YEATS2: variants seen among roughly 807,000 people sequenced by gnomAD.
The protein encoded by YEATS2 is YEATS domain-containing protein 2.
In YEATS2, 77 loss-of-function variants were observed where a neutral mutation model predicts 163.2. The ratio of observed to expected loss-of-function variants is 0.47; its 90% CI spans 0.39 to 0.57. YEATS2 has a LOEUF of 0.57. YEATS2 is among the 20% of genes least tolerant of loss of function. The pLI is 0.00. For synonymous variants in YEATS2, 631 were observed against 645.1 expected, an observed-to-expected ratio of 0.98 and a Z score of 0.33; for missense variants, 1,549 against 1,729.8, an observed-to-expected ratio of 0.90 and a Z score of 1.85.
intron 21 of YEATS2, among the ~76,000 whole-genome samples, chr3:183,792,258 A>G (rs575299335): frequency 1.3e-5 from 2 of 152,208 alleles, no homozygotes; most frequent in South Asian, 2.1e-4. Context: ...TAAGCCCCAC[A>G]TGCATTAGGT....
At chr3:183,783,318 A>C (rs1426326497) in intron 19 of YEATS2, among the ~76,000 whole-genome samples, 1 of 152,232 alleles carries the variant, frequency 6.6e-6, no homozygotes, top group African/African-American at 2.4e-5. Flanking sequence ...GAGTGCATTA[A>C]TTTGGGACAC....
intron 13 of YEATS2, among the ~76,000 whole-genome samples, chr3:183,759,929 C>T (rs1302773517): frequency 1.3e-5 from 2 of 152,226 alleles, no homozygotes; most frequent in African/African-American, 2.4e-5. Flanking sequence ...ATAATGCTTA[C>T]CTCCACAGAG....
intron 15 of YEATS2, among the ~76,000 whole-genome samples, chr3:183,763,896 C>G (rs1330213689): frequency 4.6e-5 from 7 of 152,066 alleles, no homozygotes; most frequent in Non-Finnish European, 1.0e-4. Flanking sequence ...GGTGAAACCC[C>G]ATCTCTACTA....
At chr3:183,759,015 AT>A (rs1279825848) in intron 13 of YEATS2, 50 bp downstream of exon 13, 24 of 1,281,464 alleles carry the variant, frequency 1.9e-5, no homozygotes, top group Non-Finnish European at 2.4e-5. Flanking sequence ...TTTTCTTTTC[AT>A]TTTTAAAAAA....
chr3:183,704,611 A>C (rs550203496), intron 1 of YEATS2, among the ~76,000 whole-genome samples: 13 of 152,046 alleles, frequency 8.6e-5, no homozygotes, highest in African/African-American at 3.1e-4. Flanking sequence ...TTCATATCTT[A>C]CTGTATGATT....
At chr3:183,772,648 C>T in intron 16 of YEATS2, 85 bp downstream of exon 16, 1 of 1,546,436 alleles carries the variant, frequency 6.5e-7, no homozygotes, top group East Asian at 2.3e-5. Flanking sequence ...GCTATTTGAT[C>T]TGGTCTAGGA....
intron 12 of YEATS2, among the ~76,000 whole-genome samples, chr3:183,758,625 T>C (rs1015603947): frequency 3.3e-5 from 5 of 152,186 alleles, no homozygotes; most frequent in Admixed American, 6.5e-5. Flanking sequence ...TTACTACTTA[T>C]TCTTCTGCAT....
At chr3:183,713,417 G>T (rs1715475572) in intron 1 of YEATS2, among the ~76,000 whole-genome samples, 1 of 152,114 alleles carries the variant, frequency 6.6e-6, no homozygotes, top group African/African-American at 2.4e-5. Context: ...ACAGAAATGA[G>T]CTGGGTGTGG....
chr3:183,742,683 AACTT>A (rs143224510), intron 8 of YEATS2, among the ~76,000 whole-genome samples: 5,288 of 152,316 alleles, frequency 0.035, 150 homozygotes, highest in Middle Eastern at 0.075. Flanking sequence ...ATATTACATA[AACTT>A]ACTTAATAAA....
At chr3:183,708,062 A>T (rs7612556) in intron 1 of YEATS2, among the ~76,000 whole-genome samples, 2 of 151,708 alleles carry the variant, frequency 1.3e-5, no homozygotes, top group South Asian at 2.1e-4. Context: ...GATGTGAGGC[A>T]CATAGAATTA....
At chr3:183,729,676 A>AT (rs10708141) in intron 7 of YEATS2, among the ~76,000 whole-genome samples, 14 of 148,034 alleles carry the variant, frequency 9.5e-5, no homozygotes, top group South Asian at 4.2e-4. Flanking sequence ...TGTTCTTTAC[A>AT]TTTTTTTTTT....
rs1326938399 is a variant in YEATS2 at position 183,752,256 on chromosome 3, A to G, written c.1150+3A>G. 6.2e-7 allele frequency: 1 copy of G among 1,614,052 alleles called. No individual in the cohort carries two copies. The highest frequency in any genetic ancestry group is 8.5e-7 in the Non-Finnish European group (1 of 1,180,012). The stretch of plus-strand genomic sequence containing the variant: ...ACCCGATACCTCTGTGGAGAAAGGT[A>G]ATACAGCAGTTTTCCTTGCATAGCG... On this transcript the variant is annotated splice_donor_region_variant and intron_variant, in intron 10 of 30. Transcript: ENST00000305135.
chr3:183,786,054 T>C, intron 19 of YEATS2, 71 bp from the exon 20 acceptor site: 1 of 1,522,874 alleles, frequency 6.6e-7, no homozygotes, highest in Non-Finnish European at 9.0e-7. Flanking sequence ...GTATCTCAGC[T>C]GTCAGTAAGG....
At chr3:183,725,514 A>G (rs1322439645) in intron 6 of YEATS2, among the ~76,000 whole-genome samples, 3 of 152,214 alleles carry the variant, frequency 2.0e-5, no homozygotes, top group Admixed American at 6.5e-5. Context: ...AGGCCTCACA[A>G]TCCTGGCGGA....
chr3:183,797,882 A>G, intron 21 of YEATS2, 41 bp from the exon 22 acceptor site: 2 of 1,612,390 alleles, frequency 1.2e-6, no homozygotes, highest in Non-Finnish European at 1.7e-6. Context: ...TTCCCGAAGC[A>G]CCTGACCTTC....
chr3:183,766,666 C>T (rs550675704), intron 15 of YEATS2, among the ~76,000 whole-genome samples: 6 of 152,182 alleles, frequency 3.9e-5, no homozygotes, highest in Admixed American at 6.5e-5. Context: ...GGCTCTAGGC[C>T]GAAATACGTT....
chr3:183,746,836 G>A (rs997641249), intron 8 of YEATS2, among the ~76,000 whole-genome samples: 1 of 152,030 alleles, frequency 6.6e-6, no homozygotes, highest in African/African-American at 2.4e-5. Flanking sequence ...TCAGCCAGAC[G>A]TGACACCTAC....
At chr3:183,807,352 C>T (rs1726322551) in intron 28 of YEATS2, 3 of 439,394 alleles carry the variant, frequency 6.8e-6, no homozygotes, top group East Asian at 4.4e-5. Context: ...TGAACGCAGA[C>T]GTGAAGCAAA....
In YEATS2 at chr3:183,810,525, T is replaced by C. The variant is rs1726703033; in HGVS notation, c.4211T>C (p.Ile1404Thr). 8 of 1,614,148 alleles carry C rather than the reference T, an allele frequency of 5.0e-6. No homozygotes were observed. The highest frequency in any genetic ancestry group is 6.8e-6 in the Non-Finnish European group (8 of 1,179,996). The change falls in exon 31 of 31, where the codon ATT becomes ACT. Residue 1404 changes from isoleucine (I) to threonine (T), a missense_variant. Ile to Thr is a moderately conservative substitution (Grantham distance 89). Transcript: ENST00000305135. ...VSNIHQAICN[I>T]PFLDFLTNKH... The stretch of plus-strand genomic sequence containing the variant: ...AATATTCACCAGGCCATTTGCAACA[T>C]TCCTTTTCTGGACTTCCTCACAAAC...
Sources: gnomAD v4.1 joint callset for allele counts (sites outside exome capture counted in the v4.1 genomes callset) on GRCh38, gnomAD v4.1.1 for gene constraint, MANE v1.5 for transcripts, NCBI Gene and HGNC (gene_info 2026-07-23, HGNC 2026-07-21) for gene names.